Variants in SPINK2 observed in about 807,000 individuals in gnomAD.
SPINK2 encodes serine peptidase inhibitor Kazal type 2.
A neutral mutation model predicts 13.5 loss-of-function variants in SPINK2; 8 were observed. The observed-to-expected ratio is 0.59, with a 90% CI of 0.35 to 1.07. The LOEUF is 1.07. Ranked by LOEUF, SPINK2 falls within the 50% of genes least tolerant of loss-of-function variation. The pLI is 0.02. For synonymous variants in SPINK2, 76 were observed against 74.7 expected (o/e 1.02, Z -0.09); for missense variants, 148 against 180.3 (o/e 0.82, Z 1.03).
chr4:56,820,199 C>T (rs1396879185), intron 2 of SPINK2, among the ~76,000 whole-genome samples: 1 of 152,176 alleles, frequency 6.6e-6, no homozygotes, highest in Non-Finnish European at 1.5e-5. Context: ...ATAACAAGCC[C>T]TGAAAAACAT....
rs796488641 is a variant in SPINK2 at position 56,821,524 on chromosome 4, C to T, written c.139G>A (p.Ala47Thr). 2.6e-6 allele frequency: 4 copies of T among 1,544,104 alleles called. No homozygotes were observed. The highest frequency in any genetic ancestry group is 3.5e-6 in the Non-Finnish European group (4 of 1,146,360). Residue 47 changes from alanine (A) to threonine (T), a missense_variant, in exon 1 of 4, where the codon GCT (alanine) becomes ACT (threonine). Ala to Thr is a moderately conservative substitution (Grantham distance 58). Coordinates refer to ENST00000506738, the MANE Select transcript of SPINK2 (RefSeq NM_001271718.2). ...GSQTGGGPCP[A>T]PGGLGDGTRA... ...GTACCGTCGCCGAGGCCGCCCGGAG[C>T]AGGGCAGGGTCCGCCGCCGGTCTGA... is the stretch of plus-strand genomic sequence containing the variant.
chr4:56,819,272 G>A (rs552902507), intron 2 of SPINK2, among the ~76,000 whole-genome samples: 1 of 151,336 alleles, frequency 6.6e-6, no homozygotes, highest in South Asian at 2.1e-4. Context: ...CGCGTGGGAA[G>A]GCTTCCTGGA....
chr4:56,821,553 C>A lies in SPINK2; in HGVS notation c.110G>T (p.Gly37Val). The change falls in exon 1 of 4, where the codon GGG becomes GTG. Residue 37 changes from glycine (G) to valine (V), a missense_variant. Transcript: ENST00000506738. ...GCAGGGTCCGCCGCCGGTCTGACTC[C>A]CAAACCCGCTTTTCTCCGGAGGTCC... ...ERGPPEKSGFGSQTGGGPCPA... is the reference protein window; with the variant it reads ...ERGPPEKSGFVSQTGGGPCPA... The A allele has an allele frequency of 6.5e-7, 1 of 1,546,802 alleles. No homozygotes were observed. Among genetic ancestry groups the A allele is most frequent in the Non-Finnish European group, 8.7e-7 (1 of 1,146,590 alleles).
Position 56,810,152 on chromosome 4 carries a change from T to C in SPINK2, c.392A>G (p.Asn131Ser). ...TAAACTGCTCCATCAGCAGGGTCCATTTCGAATGATTTTAATATTATGACC... is the reference window on the plus strand; with the variant it reads ...TAAACTGCTCCATCAGCAGGGTCCACTTCGAATGATTTTAATATTATGACC... ...EGGHNIKIIR[N>S]GPC The change falls in exon 4 of 4, where the codon AAT (asparagine) becomes AGT (serine). Residue 131 changes from asparagine (N) to serine (S), a missense_variant. Coordinates refer to ENST00000506738, the MANE Select transcript of SPINK2 (RefSeq NM_001271718.2). The C allele has an allele frequency of 1.9e-6, 3 of 1,609,934 alleles. No homozygotes were observed. Among genetic ancestry groups the C allele is most frequent in the South Asian group, 2.2e-5 (2 of 90,144 alleles).
At position 56,810,060 on chromosome 4, in the gene SPINK2, AG is replaced by A. The variant is rs1356251292; in HGVS notation, c.*78del. 2.6e-6 allele frequency: 4 copies of A among 1,541,640 alleles called. No individual in the cohort carries two copies. In the African/African-American group the frequency reaches 4.2e-5, roughly 16 times the overall value. On this transcript the variant is annotated 3_prime_UTR_variant, in exon 4 of 4. Coordinates refer to ENST00000506738, the MANE Select transcript of SPINK2 (RefSeq NM_001271718.2). ...ATCTCATGTAAAGAAACACAGGAAA[AG>A]AGAAAAAGGGGAAATGCAATTTATC...
intron 2 of SPINK2, among the ~76,000 whole-genome samples, chr4:56,815,762 T>TCACACACA (rs140055216): frequency 0.096 from 13,651 of 142,882 alleles, 746 homozygotes; most frequent in South Asian, 0.16. Flanking sequence ...CCTAAGAAAT[T>TCACACACA]CACACACACA....
intron 3 of SPINK2, among the ~76,000 whole-genome samples, chr4:56,810,957 A>G (rs768449825): frequency 6.6e-6 from 1 of 151,542 alleles, no homozygotes; most frequent in Non-Finnish European, 1.5e-5. Context: ...AGTATCATAC[A>G]CTCATTACTT....
intron 2 of SPINK2, among the ~76,000 whole-genome samples, chr4:56,819,490 C>G (rs1578438025): frequency 6.6e-6 from 1 of 152,174 alleles, no homozygotes; most frequent in East Asian, 1.9e-4. Flanking sequence ...AATAACCAGG[C>G]CAGGAGGCCA....
intron 2 of SPINK2, among the ~76,000 whole-genome samples, chr4:56,815,542 A>C (rs1388046646): frequency 6.6e-6 from 1 of 152,022 alleles, no homozygotes; most frequent in Non-Finnish European, 1.5e-5. Flanking sequence ...TGTACTAAAA[A>C]TGCAAAAATT....
In SPINK2 at chr4:56,810,203, T is replaced by C. The variant is rs146330907; in HGVS notation, c.360-19A>G. ...ACCTTCCCTGCAAATTGAACAATCA[T>C]AGAAATACATTTATTACCTACCATA... On this transcript the variant is annotated intron_variant, in intron 3 of 3. Coordinates refer to ENST00000506738, the MANE Select transcript of SPINK2 (RefSeq NM_001271718.2). The C allele has an allele frequency of 7.7e-4, 1,234 of 1,595,422 alleles. 20 individuals are homozygous for C. In the East Asian group the frequency reaches 0.025, roughly 33 times the overall value.
chr4:56,810,251 G>A (rs751941811), intron 3 of SPINK2, 67 bp from the exon 4 acceptor site: 81 of 1,359,986 alleles, frequency 6.0e-5, no homozygotes, highest in Non-Finnish European at 8.0e-5. Context: ...CATTATTTGT[G>A]TTAAAAAGAC....
At chr4:56,816,433 C>T in intron 2 of SPINK2, among the ~76,000 whole-genome samples, 1 of 151,818 alleles carries the variant, frequency 6.6e-6, no homozygotes, top group East Asian at 1.9e-4. Context: ...GGGAGGATCA[C>T]TTGAGGTCAG....
chr4:56,819,622 T>C (rs35647224), intron 2 of SPINK2, among the ~76,000 whole-genome samples: 39,932 of 149,856 alleles, frequency 0.27, 5,701 homozygotes, highest in East Asian at 0.58. Context: ...TTCTTTCTTT[T>C]TTTTTTTTTT....
intron 2 of SPINK2, among the ~76,000 whole-genome samples, chr4:56,820,186 G>C (rs188678278): frequency 3.4e-4 from 51 of 152,228 alleles, no homozygotes; most frequent in Admixed American, 6.5e-4. Context: ...TGACTCTCTT[G>C]CTATAACAAG....
chr4:56,821,564 T>C lies in SPINK2; in HGVS notation c.99A>G (p.Lys33=). The change falls in exon 1 of 4, where the codon AAA becomes AAG. Residue 33 remains lysine (K), a synonymous_variant. Transcript: ENST00000506738. ...SGPGERGPPE[K]SGFGSQTGGG... Reference sequence around the variant, plus strand: ...CGCCGGTCTGACTCCCAAACCCGCTTTTCTCCGGAGGTCCCCGCTCGCCAG... The same window carrying C: ...CGCCGGTCTGACTCCCAAACCCGCTCTTCTCCGGAGGTCCCCGCTCGCCAG... 6.5e-7 allele frequency: 1 copy of C among 1,547,800 alleles called. No individual in the cohort carries two copies. Among genetic ancestry groups the C allele is most frequent in the Middle Eastern group, 2.0e-4 (1 of 5,080 alleles).
intron 2 of SPINK2, among the ~76,000 whole-genome samples, chr4:56,819,442 C>T (rs1334563025): frequency 6.6e-6 from 1 of 152,124 alleles, no homozygotes; most frequent in African/African-American, 2.4e-5. Flanking sequence ...GACCCACAAC[C>T]TGCAGCATCC....
intron 2 of SPINK2, among the ~76,000 whole-genome samples, chr4:56,813,810 G>A (rs980877096): frequency 2.6e-5 from 4 of 151,624 alleles, no homozygotes; most frequent in African/African-American, 2.4e-5. Context: ...GTAGAAACAG[G>A]GTTTCACCAT....
chr4:56,811,798 G>GA lies in SPINK2; in HGVS notation c.250-5dup. 6.3e-7 allele frequency: 1 copy of GA among 1,589,234 alleles called. No homozygotes were observed. The highest frequency in any genetic ancestry group is 1.7e-5 in the Admixed American group (1 of 58,256). ...ATCTATACTGAGAGCAGTTTGGCTG[G>GA]AAAAAAGAAAGAGAGAAATTCGAGA... On this transcript the variant is annotated splice_region_variant and splice_polypyrimidine_tract_variant and intron_variant, in intron 2 of 3. Transcript: ENST00000506738.
At chr4:56,817,664 G>T (rs1206706617) in intron 2 of SPINK2, among the ~76,000 whole-genome samples, 1 of 151,842 alleles carries the variant, frequency 6.6e-6, no homozygotes, top group Non-Finnish European at 1.5e-5. Context: ...GACCAGCCTA[G>T]CCAACACGGT....
Sources: gnomAD v4.1 joint callset for allele counts (sites outside exome capture counted in the v4.1 genomes callset) on GRCh38, gnomAD v4.1.1 for gene constraint, MANE v1.5 for transcripts, NCBI Gene and HGNC (gene_info 2026-07-23, HGNC 2026-07-21) for gene names.